The following RASEF variants were observed in gnomAD, a reference collection of about 807,000 sequenced individuals.
RASEF encodes the protein ras and EF-hand domain-containing protein.
A neutral mutation model predicts 90.1 loss-of-function variants in RASEF; 68 were observed. The ratio of observed to expected loss-of-function variants is 0.75; its 90% CI spans 0.62 to 0.92. The LOEUF is 0.92. Ranked by LOEUF, RASEF falls within the 40% of genes least tolerant of loss-of-function variation. The probability of loss-of-function intolerance (pLI) is 0.00; values close to 1 mark genes in which losing one functional copy is unlikely to be tolerated. For missense variants in RASEF, 949 were observed against 937.2 expected (o/e 1.01, Z -0.16); for synonymous variants, 331 against 345.2 (o/e 0.96, Z 0.46).
chr9:83,118,543 A>G, the RASEF span, among the ~76,000 whole-genome samples: 38 of 152,186 alleles, frequency 2.5e-4, no homozygotes, highest in Admixed American at 1.1e-3. Flanking sequence ...TTCATTTCAA[A>G]TTATTTTATC....
At chr9:83,098,904 T>C in the RASEF span, among the ~76,000 whole-genome samples, 1 of 152,206 alleles carries the variant, frequency 6.6e-6, no homozygotes, top group Admixed American at 6.5e-5. Context: ...GAGATTCAGG[T>C]GGCGACACAG....
At chr9:83,212,769 T>C in the RASEF span, among the ~76,000 whole-genome samples, 1 of 152,210 alleles carries the variant, frequency 6.6e-6, no homozygotes, top group African/African-American at 2.4e-5. Flanking sequence ...GACTGCTTAG[T>C]GGGCTGTAAA....
At chr9:83,169,332 C>G in the RASEF span, among the ~76,000 whole-genome samples, 3 of 146,818 alleles carry the variant, frequency 2.0e-5, no homozygotes, top group Non-Finnish European at 3.0e-5. Flanking sequence ...AATAATATCT[C>G]TGATATACTG....
At position 83,004,600 on chromosome 9, in the gene RASEF, G is replaced by A. The variant is rs903499238; in HGVS notation, c.1114-14C>T. ...ATTATTTATATGCTGTAATATAGAAGTAATCATTTGTTAGTTCATGTAATT... is the reference window on the plus strand; with the variant it reads ...ATTATTTATATGCTGTAATATAGAAATAATCATTTGTTAGTTCATGTAATT... On this transcript the variant is annotated splice_polypyrimidine_tract_variant and intron_variant, in intron 8 of 16. Transcript: ENST00000376447. The A allele has an allele frequency of 1.1e-5, 16 of 1,418,700 alleles. No homozygotes were observed. The highest frequency in any genetic ancestry group is 1.7e-5 in the Admixed American group (1 of 59,690). 87.9% of individuals were successfully genotyped at this position (1,418,700 alleles called of 1,614,324 possible).
At chr9:83,215,496 C>T in the RASEF span, among the ~76,000 whole-genome samples, 7 of 152,332 alleles carry the variant, frequency 4.6e-5, no homozygotes, top group Admixed American at 2.6e-4. Flanking sequence ...TGCCTGTCTG[C>T]GTGCTCCCCC....
chr9:83,167,810 T>C, the RASEF span, among the ~76,000 whole-genome samples: 1 of 152,186 alleles, frequency 6.6e-6, no homozygotes, highest in Non-Finnish European at 1.5e-5. Context: ...GACAGCATAA[T>C]GTTTTCAAGA....
chr9:83,161,976 C>A, the RASEF span, among the ~76,000 whole-genome samples: 1 of 152,012 alleles, frequency 6.6e-6, no homozygotes, highest in African/African-American at 2.4e-5. Flanking sequence ...GTCCAATAAA[C>A]CTCTTTCTTC....
At chr9:83,093,159 T>G in the RASEF span, among the ~76,000 whole-genome samples, 5 of 152,152 alleles carry the variant, frequency 3.3e-5, no homozygotes, top group Non-Finnish European at 7.3e-5. Context: ...GAGTGCCGAT[T>G]GGTGTATTTA....
chr9:83,003,054 C>T (rs975503928), intron 9 of RASEF, among the ~76,000 whole-genome samples: 11 of 151,892 alleles, frequency 7.2e-5, no homozygotes, highest in Non-Finnish European at 1.5e-4. Flanking sequence ...AGAGTTCTTG[C>T]GAAGAACAAA....
chr9:83,183,262 GTA>G, the RASEF span, among the ~76,000 whole-genome samples: 141 of 150,218 alleles, frequency 9.4e-4, no homozygotes, highest in Non-Finnish European at 1.4e-3. Flanking sequence ...TTGTGTGTGT[GTA>G]TATATATATA....
chr9:83,161,788 A>G, the RASEF span, among the ~76,000 whole-genome samples: 1 of 151,892 alleles, frequency 6.6e-6, no homozygotes, highest in African/African-American at 2.4e-5. Context: ...GAGGTGATTG[A>G]ATTATGGGGG....
intron 1 of RASEF, among the ~76,000 whole-genome samples, chr9:83,030,603 C>G (rs913070346): frequency 2.0e-5 from 3 of 152,176 alleles, no homozygotes; most frequent in Non-Finnish European, 1.5e-5. Flanking sequence ...ATGTCTGCCA[C>G]TAACAGAAAA....
intron 16 of RASEF, among the ~76,000 whole-genome samples, chr9:82,987,806 A>G (rs1202965844): frequency 1.5e-4 from 23 of 152,194 alleles, no homozygotes; most frequent in Admixed American, 1.4e-3. Flanking sequence ...CCCTCATTTT[A>G]CAGATTAGAG....
chr9:83,185,706 C>T, the RASEF span, among the ~76,000 whole-genome samples: 1 of 152,072 alleles, frequency 6.6e-6, no homozygotes, highest in African/African-American at 2.4e-5. Flanking sequence ...AGATGCAATG[C>T]CTCTGAGGGG....
At chr9:83,211,400 G>A in the RASEF span, among the ~76,000 whole-genome samples, 13 of 152,144 alleles carry the variant, frequency 8.5e-5, no homozygotes, top group Non-Finnish European at 1.5e-4. Flanking sequence ...CCATGATTCT[G>A]CTGGGATATT....
chr9:83,040,501 T>C (rs1829819726), intron 1 of RASEF, among the ~76,000 whole-genome samples: 1 of 152,188 alleles, frequency 6.6e-6, no homozygotes, highest in Non-Finnish European at 1.5e-5. Flanking sequence ...AAGGATTTGC[T>C]TGTCATTCTA....
chr9:82,989,761 T>C (rs1017568361), intron 16 of RASEF, among the ~76,000 whole-genome samples: 1 of 152,176 alleles, frequency 6.6e-6, no homozygotes, highest in African/African-American at 2.4e-5. Context: ...TTAATCCCTC[T>C]AGGCCAGTAA....
the RASEF span, among the ~76,000 whole-genome samples, chr9:83,081,415 T>G: frequency 6.6e-6 from 1 of 152,198 alleles, no homozygotes; most frequent in Non-Finnish European, 1.5e-5. Flanking sequence ...TGTTTTGTTT[T>G]GTTTTATAAT....
the RASEF span, among the ~76,000 whole-genome samples, chr9:83,153,736 A>C: frequency 1.3e-5 from 2 of 152,314 alleles, no homozygotes; most frequent in East Asian, 3.9e-4. Context: ...CTCAGTACCA[A>C]GGGAGCCTTA....
Sources: gnomAD v4.1 joint callset for allele counts (sites outside exome capture counted in the v4.1 genomes callset) on GRCh38, gnomAD v4.1.1 for gene constraint, MANE v1.5 for transcripts, NCBI Gene and HGNC (gene_info 2026-07-23, HGNC 2026-07-21) for gene names.